DCTPP1: variants seen among roughly 807,000 people sequenced by gnomAD.
DCTPP1 encodes XTP3-transactivated gene A protein.
DCTPP1 carries 8 observed loss-of-function variants against 8.8 expected under a neutral mutation model. The ratio of observed to expected loss-of-function variants is 0.91; its 90% CI spans 0.54 to 1.64. The LOEUF (loss-of-function observed/expected upper bound fraction) is 1.64. Among genes scored for constraint, DCTPP1 ranks in the 40% most tolerant of loss-of-function variants. The pLI, the probability that DCTPP1 is intolerant of heterozygous loss-of-function variation, is 0.00. For missense variants in DCTPP1, 231 were observed against 230.4 expected (o/e 1.00, Z -0.02); for synonymous variants, 85 against 92.1 (o/e 0.92, Z 0.44).
In DCTPP1 at chr16:30,424,093, G is replaced by A; in HGVS notation, c.*140C>T. The A allele has an allele frequency of 9.7e-7, 1 of 1,028,866 alleles. No individual in the cohort carries two copies. Among genetic ancestry groups the A allele is most frequent in the East Asian group, 2.6e-5 (1 of 38,220 alleles). The allele number at this position is 1,028,866 out of a possible 1,614,324, so 63.7% of individuals were successfully genotyped here. A position where few individuals can be genotyped will look rare whatever the true frequency, so the allele number is the denominator to read the frequency against. ...AAACACCAGGAGGCTACCTTCTAGA[G>A]GCTGCTGGGCCTCAGACCTCAAGAA... On this transcript the variant is annotated 3_prime_UTR_variant, in exon 3 of 3. Coordinates refer to ENST00000319285, the MANE Select transcript of DCTPP1 (RefSeq NM_024096.2).
intron 1 of DCTPP1, 64 bp downstream of exon 1, chr16:30,429,816 C>T: frequency 6.7e-7 from 1 of 1,500,026 alleles, no homozygotes; most frequent in Non-Finnish European, 9.0e-7. Context: ...CGTGGAGGAA[C>T]CCTCCCCAAA....
intron 2 of DCTPP1, among the ~76,000 whole-genome samples, chr16:30,427,162 A>G (rs1162876761): frequency 2.0e-5 from 3 of 150,918 alleles, no homozygotes; most frequent in Non-Finnish European, 4.4e-5. Context: ...GGCGCCCGCC[A>G]CCACGCCCGG....
At position 30,425,434 on chromosome 16, in the gene DCTPP1, GC is replaced by G. The variant is rs537159702; in HGVS notation, c.213-902del. Reference sequence around the variant, plus strand: ...ACCCAGGAGGCAGAGGTTGCAGTGAGCCGAGATCGCACCACAGCATTCCAGC... The same window carrying G: ...ACCCAGGAGGCAGAGGTTGCAGTGAGCGAGATCGCACCACAGCATTCCAGC... On this transcript the variant is annotated intron_variant, in intron 2 of 2. Coordinates refer to ENST00000319285, the MANE Select transcript of DCTPP1 (RefSeq NM_024096.2). 2.6e-3 allele frequency among the ~76,000 whole-genome samples: 403 copies of G among 152,154 alleles called. 1 individual carries two copies. The highest frequency in any genetic ancestry group is 9.2e-3 in the African/African-American group (382 of 41,502).
chr16:30,428,495 C>T (rs946062834), intron 2 of DCTPP1, among the ~76,000 whole-genome samples: 37 of 152,284 alleles, frequency 2.4e-4, no homozygotes, highest in Middle Eastern at 6.8e-3. Context: ...TTGGGCCAGG[C>T]GTGGTGGCTC....
Position 30,424,333 on chromosome 16 carries a change from G to C in DCTPP1, c.413C>G (p.Ser138Cys). ...RYPAHLARSS[S>C]RKYTELPHGA... ...ATGGGGCAATTCTGTATACTTGCGGGAAGAGCTGCGGGCCAGATGGGCTGG... is the reference window on the plus strand; with the variant it reads ...ATGGGGCAATTCTGTATACTTGCGGCAAGAGCTGCGGGCCAGATGGGCTGG... Residue 138 changes from serine (S) to cysteine (C), a missense_variant, in exon 3 of 3, where the codon TCC becomes TGC. Transcript: ENST00000319285. 6.2e-7 allele frequency: 1 copy of C among 1,614,264 alleles called. No homozygotes were observed. The highest frequency in any genetic ancestry group is 1.3e-5 in the African/African-American group (1 of 75,084).
At chr16:30,428,803 A>T in intron 2 of DCTPP1, 3 of 419,640 alleles carry the variant, frequency 7.1e-6, no homozygotes, top group Non-Finnish European at 8.4e-6. Flanking sequence ...AAAAGAAGGG[A>T]AAAGGGTTGT....
Position 30,424,121 on chromosome 16 carries a change from G to C in DCTPP1, c.*112C>G. ...TGCTGGGCCTCAGACCTCAAGAAGT[G>C]GAGGCCTCAGGCCCATGATCTATTC... On this transcript the variant is annotated 3_prime_UTR_variant, in exon 3 of 3. Coordinates refer to ENST00000319285, the MANE Select transcript of DCTPP1 (RefSeq NM_024096.2). 7.7e-7 allele frequency: 1 copy of C among 1,294,976 alleles called. No homozygotes were observed. The highest frequency in any genetic ancestry group is 1.5e-5 in the South Asian group (1 of 64,854). The allele number at this position is 1,294,976 out of a possible 1,614,324, so 80.2% of individuals were successfully genotyped here.
chr16:30,427,690 G>A (rs2050202094), intron 2 of DCTPP1, among the ~76,000 whole-genome samples: 1 of 152,196 alleles, frequency 6.6e-6, no homozygotes, highest in Non-Finnish European at 1.5e-5. Context: ...GCACATAGGT[G>A]ATGTTCATAA....
In DCTPP1 at chr16:30,428,835, G is replaced by A. The variant is rs117636880; in HGVS notation, c.212+222C>T. 5.9e-4 allele frequency: 256 copies of A among 437,302 alleles called. 3 individuals are homozygous for A. In the East Asian group the frequency reaches 8.4e-3, roughly 14 times the overall value. The allele number at this position is 437,302 out of a possible 1,614,324, so 27.1% of individuals were successfully genotyped here. ...TTGTTGCCACTGCTTCTTCCTAGAC[G>A]GGACCTGTCCTGATGCTTTCACACC... On this transcript the variant is annotated intron_variant, in intron 2 of 2. Transcript: ENST00000319285.
intron 1 of DCTPP1, chr16:30,429,615 T>G (rs2050213344): frequency 2.1e-6 from 1 of 479,332 alleles, no homozygotes; most frequent in South Asian, 3.3e-5. Flanking sequence ...GCAGAGGCGG[T>G]ATCTGGTGCC....
chr16:30,429,511 C>T (rs1039164029), intron 1 of DCTPP1: 2 of 409,066 alleles, frequency 4.9e-6, no homozygotes, highest in African/African-American at 4.1e-5. Flanking sequence ...GACCCTTCCT[C>T]TAAGAAGCCT....
intron 2 of DCTPP1, among the ~76,000 whole-genome samples, chr16:30,426,936 G>C (rs1346424443): frequency 7.3e-5 from 11 of 150,588 alleles, no homozygotes; most frequent in African/African-American, 2.4e-4. Flanking sequence ...CCTGACCTCA[G>C]GTGATCTGCC....
chr16:30,424,525 T>G lies in DCTPP1; in HGVS notation c.221A>C (p.Lys74Thr), dbSNP rs775739171. The change falls in exon 3 of 3, where the codon AAA becomes ACA. Residue 74 changes from lysine to threonine, a missense_variant. By Grantham distance (78) the Lys-to-Thr change is moderately conservative. Coordinates refer to ENST00000319285, the MANE Select transcript of DCTPP1 (RefSeq NM_024096.2). ...TTGGGGGCCAGGTTCCCCATCGGTTTTCCACTGACTAGGGGCAGAACACAG... is the reference window on the plus strand; with the variant it reads ...TTGGGGGCCAGGTTCCCCATCGGTTGTCCACTGACTAGGGGCAGAACACAG... ...VGELAELFQW[K>T]TDGEPGPQGW... The G allele has an allele frequency of 1.9e-6, 3 of 1,613,538 alleles. No individual in the cohort carries two copies. The highest frequency in any genetic ancestry group is 2.5e-6 in the Non-Finnish European group (3 of 1,179,954).
intron 2 of DCTPP1, among the ~76,000 whole-genome samples, chr16:30,424,858 T>A (rs968837942): frequency 3.9e-5 from 6 of 152,226 alleles, no homozygotes; most frequent in African/African-American, 1.2e-4. Context: ...ATCTCCTGGC[T>A]AGCTCATCTT....
rs1037287993 is a variant in DCTPP1 at position 30,429,137 on chromosome 16, T to C, written c.132A>G (p.Glu44=). Residue 44 remains glutamate (E), a synonymous_variant, in exon 2 of 3, where the codon GAA becomes GAG. Transcript: ENST00000319285. ...IRRLHAEFAA[E]RDWEQFHQPR... ...GCTGATGGAACTGTTCCCAGTCTCG[T>C]TCCGCAGCAAACTCAGCATGGAGGC... 1.9e-6 allele frequency: 3 copies of C among 1,613,794 alleles called. No individual in the cohort carries two copies. The highest frequency in any genetic ancestry group is 2.2e-5 in the South Asian group (2 of 91,032).
intron 2 of DCTPP1, among the ~76,000 whole-genome samples, chr16:30,426,236 C>G (rs1042869297): frequency 6.6e-6 from 1 of 152,168 alleles, no homozygotes; most frequent in African/African-American, 2.4e-5. Context: ...AGTGCAGTGG[C>G]ACGATCTTGG....
chr16:30,426,381 C>T (rs954676949), intron 2 of DCTPP1, among the ~76,000 whole-genome samples: 11 of 151,150 alleles, frequency 7.3e-5, no homozygotes, highest in Non-Finnish European at 1.6e-4. Context: ...TTCACCGTGT[C>T]AGCCAGGATG....
rs1429049986 is a variant in DCTPP1, at chr16:30,424,546, CACAG to C, written c.213-17_213-14del. On this transcript the variant is annotated splice_polypyrimidine_tract_variant and intron_variant, in intron 2 of 2. Transcript: ENST00000319285. ...GGTTTTCCACTGACTAGGGGCAGAA[CACAG>C]ACAGACACACACTCAGATGTAACCT... 4 of 1,610,014 alleles carry C rather than the reference CACAG, an allele frequency of 2.5e-6. No homozygotes were observed. The highest frequency in any genetic ancestry group is 3.4e-6 in the Non-Finnish European group (4 of 1,178,912).
At position 30,424,336 on chromosome 16, in the gene DCTPP1, G is replaced by T. The variant is rs951901812; in HGVS notation, c.410C>A (p.Ser137Tyr). The stretch of plus-strand genomic sequence containing the variant: ...GGGCAATTCTGTATACTTGCGGGAA[G>T]AGCTGCGGGCCAGATGGGCTGGGTA... ...RRYPAHLARSSSRKYTELPHG... is the reference protein window; with the variant it reads ...RRYPAHLARSYSRKYTELPHG... Residue 137 changes from serine (S) to tyrosine (Y), a missense_variant, in exon 3 of 3, where the codon TCT becomes TAT. Physicochemically the swap from Ser to Tyr is moderately radical, Grantham distance 144. Coordinates refer to ENST00000319285, the MANE Select transcript of DCTPP1 (RefSeq NM_024096.2). 3.1e-6 allele frequency: 5 copies of T among 1,614,154 alleles called. No homozygotes were observed. Among genetic ancestry groups the T allele is most frequent in the African/African-American group, 1.3e-5 (1 of 74,960 alleles).
Sources: allele counts gnomAD v4.1 joint callset (sites outside exome capture counted in the v4.1 genomes callset), GRCh38; gene constraint gnomAD v4.1.1; transcripts MANE v1.5; gene names NCBI Gene and HGNC (gene_info 2026-07-23, HGNC 2026-07-21).